Variants in SLC44A5 observed in about 807,000 individuals in gnomAD.
SLC44A5 encodes the protein choline transporter-like protein 5.
In SLC44A5, 57 loss-of-function variants were observed where a neutral mutation model predicts 101.8. That is an observed-to-expected ratio of 0.56 (90% CI 0.45 to 0.70). The LOEUF is 0.70. Among genes scored for constraint, SLC44A5 ranks in the 30% least tolerant of loss-of-function variants. SLC44A5 has a pLI of 0.00. For synonymous variants in SLC44A5, 281 were observed against 290.9 expected (o/e 0.97, Z 0.35); for missense variants, 737 against 853.1 (o/e 0.86, Z 1.70).
intron 5 of SLC44A5, among the ~76,000 whole-genome samples, chr1:75,279,941 C>T (rs1476547380): frequency 6.6e-6 from 1 of 151,280 alleles, no homozygotes; most frequent in African/African-American, 2.4e-5. Context: ...TACATTGTAT[C>T]ATTTGTATGC....
the SLC44A5 span, among the ~76,000 whole-genome samples, chr1:75,634,929 T>C: frequency 9.2e-5 from 14 of 152,142 alleles, no homozygotes; most frequent in East Asian, 9.7e-4. Flanking sequence ...GGCTAATATC[T>C]AGAATCTACA....
At chr1:75,415,167 G>A (rs1663556694) in intron 2 of SLC44A5, among the ~76,000 whole-genome samples, 1 of 152,156 alleles carries the variant, frequency 6.6e-6, no homozygotes, top group Admixed American at 6.5e-5. Context: ...GATATAGTTT[G>A]GCTGTGTGTC....
intron 3 of SLC44A5, among the ~76,000 whole-genome samples, chr1:75,386,263 CA>C (rs1259769208): frequency 6.6e-6 from 1 of 152,118 alleles, no homozygotes; most frequent in Non-Finnish European, 1.5e-5. Flanking sequence ...AAGAGGAAGT[CA>C]AATTGTCCCT....
intron 2 of SLC44A5, among the ~76,000 whole-genome samples, chr1:75,483,810 C>T (rs1055797405): frequency 1.3e-5 from 2 of 152,114 alleles, no homozygotes; most frequent in African/African-American, 2.4e-5. Context: ...ATCACAGTTC[C>T]ATATGGCTGG....
At chr1:75,340,219 T>C (rs1049395847) in intron 3 of SLC44A5, among the ~76,000 whole-genome samples, 3 of 152,214 alleles carry the variant, frequency 2.0e-5, no homozygotes, top group African/African-American at 4.8e-5. Context: ...CCCTTGTCAC[T>C]TTACTGCATT....
chr1:75,246,294 G>T (rs1201068013), intron 7 of SLC44A5, among the ~76,000 whole-genome samples: 1 of 152,002 alleles, frequency 6.6e-6, no homozygotes, highest in Non-Finnish European at 1.5e-5. Context: ...CAAGAAAAAA[G>T]CATAATATGC....
rs1164593896 is a variant in SLC44A5, at chr1:75,213,813, C to T, written c.1874-20G>A. ...GAACACCTACATTGAAAAGGTAGAACATGTATATTATACTTTTGCAAAAGA... is the reference window on the plus strand; with the variant it reads ...GAACACCTACATTGAAAAGGTAGAATATGTATATTATACTTTTGCAAAAGA... On this transcript the variant is annotated intron_variant, in intron 21 of 23. Coordinates refer to ENST00000370859, the MANE Select transcript of SLC44A5 (RefSeq NM_001130058.2). The T allele has an allele frequency of 1.3e-6, 2 of 1,583,674 alleles. No individual in the cohort carries two copies. Among genetic ancestry groups the T allele is most frequent in the South Asian group, 1.1e-5 (1 of 90,132 alleles).
chr1:75,229,695 G>A (rs2135143), intron 12 of SLC44A5, among the ~76,000 whole-genome samples: 78,055 of 152,054 alleles, frequency 0.51, 21,957 homozygotes, highest in East Asian at 0.93. Context: ...CACCTTCTAA[G>A]ATATATATTA....
chr1:75,398,578 T>C (rs1662276330), intron 2 of SLC44A5, among the ~76,000 whole-genome samples: 1 of 152,110 alleles, frequency 6.6e-6, no homozygotes, highest in Non-Finnish European at 1.5e-5. Context: ...ACCAACGTTG[T>C]ACCTTGTCAT....
chr1:75,581,582 GT>G (rs1378886582), intron 1 of SLC44A5, among the ~76,000 whole-genome samples: 2 of 152,218 alleles, frequency 1.3e-5, no homozygotes, highest in Non-Finnish European at 2.9e-5. Flanking sequence ...ATAAGATGAT[GT>G]GGGAAAGGGG....
intron 3 of SLC44A5, among the ~76,000 whole-genome samples, chr1:75,367,953 CT>C (rs1659972870): frequency 6.6e-6 from 1 of 152,206 alleles, no homozygotes; most frequent in African/African-American, 2.4e-5. Flanking sequence ...GACGTCACCC[CT>C]GTGTTGCATT....
intron 4 of SLC44A5, among the ~76,000 whole-genome samples, chr1:75,333,159 C>G (rs1482702088): frequency 6.6e-6 from 1 of 152,076 alleles, no homozygotes; most frequent in Admixed American, 6.6e-5. Context: ...AATAAAAAAC[C>G]TATGTCCATA....
chr1:75,402,524 TA>T, intron 2 of SLC44A5: 1 of 253,514 alleles, frequency 3.9e-6, no homozygotes. Flanking sequence ...ACAATGGGTG[TA>T]GCCCACAGAG....
At chr1:75,494,074 T>C (rs548399287) in intron 2 of SLC44A5, among the ~76,000 whole-genome samples, 39 of 152,246 alleles carry the variant, frequency 2.6e-4, no homozygotes, top group African/African-American at 9.1e-4. Flanking sequence ...AAGTGGAACC[T>C]TTGAGAGGTG....
intron 4 of SLC44A5, among the ~76,000 whole-genome samples, chr1:75,308,643 C>A (rs1319355488): frequency 6.6e-6 from 1 of 152,142 alleles, no homozygotes; most frequent in Non-Finnish European, 1.5e-5. Flanking sequence ...CAGCAGGGTG[C>A]AAAGAGACCT....
intron 3 of SLC44A5, among the ~76,000 whole-genome samples, chr1:75,383,255 C>T (rs1217943343): frequency 2.4e-5 from 3 of 125,084 alleles, no homozygotes; most frequent in African/African-American, 6.3e-5. Flanking sequence ...GACACATCCC[C>T]CTCTTCGAGA....
chr1:75,398,398 G>A (rs1426041126), intron 2 of SLC44A5: 2 of 985,374 alleles, frequency 2.0e-6, no homozygotes, highest in Non-Finnish European at 2.4e-6. Flanking sequence ...GGTATAGCAG[G>A]AAGCATGTCA....
chr1:75,464,613 A>G (rs887667359), intron 2 of SLC44A5, among the ~76,000 whole-genome samples: 1 of 152,100 alleles, frequency 6.6e-6, no homozygotes, highest in African/African-American at 2.4e-5. Flanking sequence ...GACTGAATGG[A>G]TGGGAAAAAA....
At chr1:75,678,439 A>T in the SLC44A5 span, among the ~76,000 whole-genome samples, 1 of 152,118 alleles carries the variant, frequency 6.6e-6, no homozygotes, top group African/African-American at 2.4e-5. Context: ...TGCCTCCTCA[A>T]GTGGGTCCCT....
Sources: allele counts gnomAD v4.1 joint callset (sites outside exome capture counted in the v4.1 genomes callset), GRCh38; gene constraint gnomAD v4.1.1; transcripts MANE v1.5; gene names NCBI Gene and HGNC (gene_info 2026-07-23, HGNC 2026-07-21).